C10orf67: variants seen among roughly 807,000 people sequenced by gnomAD.
The protein encoded by C10orf67 is uncharacterized protein C10orf67, mitochondrial.
C10orf67 carries 60 observed loss-of-function variants against 35.6 expected under a neutral mutation model. The ratio of observed to expected loss-of-function variants is 1.68; its 90% CI spans 1.37 to 2.09. The LOEUF is 2.09. Ranked by LOEUF, C10orf67 falls within the 30% of genes most tolerant of loss-of-function variation. The pLI is 0.00. For missense variants in C10orf67, 474 were observed against 330.2 expected (o/e 1.44, Z -3.38); for synonymous variants, 167 against 115.8 (o/e 1.44, Z -2.84).
chr10:23,295,792 G>A (rs759068017), intron 5 of C10orf67, among the ~76,000 whole-genome samples: 1 of 152,102 alleles, frequency 6.6e-6, no homozygotes, highest in African/African-American at 2.4e-5. Context: ...AAAGGCAAAT[G>A]CAAAAATTGA....
intron 13 of C10orf67, 57 bp from the exon 14 acceptor site, chr10:23,223,875 A>C: frequency 2.8e-6 from 2 of 706,734 alleles, no homozygotes; most frequent in Non-Finnish European, 5.2e-6. Context: ...AGTCAAATCA[A>C]ATGGACGTTA....
At chr10:23,265,094 A>G (rs1449395994) in intron 10 of C10orf67, among the ~76,000 whole-genome samples, 1 of 152,226 alleles carries the variant, frequency 6.6e-6, no homozygotes, top group Admixed American at 6.5e-5. Context: ...GGGAAATTAT[A>G]CTGATTTCCA....
At chr10:23,275,193 C>T (rs894810503) in intron 8 of C10orf67, among the ~76,000 whole-genome samples, 2 of 152,110 alleles carry the variant, frequency 1.3e-5, no homozygotes, top group African/African-American at 4.8e-5. Context: ...TCACTTAAAA[C>T]CAAACTGATG....
At chr10:23,277,420 G>C (rs1406685895) in intron 8 of C10orf67, among the ~76,000 whole-genome samples, 2 of 151,896 alleles carry the variant, frequency 1.3e-5, no homozygotes, top group African/African-American at 4.8e-5. Flanking sequence ...GGACATCTTG[G>C]TGCATGGCTG....
At chr10:23,251,294 C>T (rs1444079106) in intron 10 of C10orf67, among the ~76,000 whole-genome samples, 1 of 152,006 alleles carries the variant, frequency 6.6e-6, no homozygotes, top group Non-Finnish European at 1.5e-5. Flanking sequence ...AATTGTAAAT[C>T]GTGTTTTGTA....
chr10:23,250,149 G>T (rs567851231), intron 12 of C10orf67, among the ~76,000 whole-genome samples: 1 of 152,222 alleles, frequency 6.6e-6, no homozygotes, highest in East Asian at 1.9e-4. Flanking sequence ...AGCAGGAAAA[G>T]GTTTTAATAG....
rs1400785888 is a variant in C10orf67 at position 23,311,394 on chromosome 10, A to T, written c.547-7935T>A. Among the ~76,000 whole-genome samples, 3 of 152,152 alleles carry T rather than the reference A, an allele frequency of 2.0e-5. No homozygotes were observed. In the East Asian group the frequency reaches 5.8e-4, roughly 29 times the overall value. On this transcript the variant is annotated intron_variant, in intron 4 of 15. Coordinates refer to ENST00000636213, the MANE Select transcript of C10orf67 (RefSeq NM_001371909.1). ...AAAGTTCAATCAGGCTGCACAATTC[A>T]CTTATCAAACACAGGAGTTTGAAAT...
chr10:23,250,167 A>G (rs1184419855), intron 12 of C10orf67, among the ~76,000 whole-genome samples: 1 of 152,222 alleles, frequency 6.6e-6, no homozygotes, highest in Non-Finnish European at 1.5e-5. Flanking sequence ...TAGCCCTATG[A>G]AAGAAGATGA....
intron 8 of C10orf67, among the ~76,000 whole-genome samples, chr10:23,273,449 T>C (rs1843087105): frequency 6.6e-6 from 1 of 152,220 alleles, no homozygotes; most frequent in South Asian, 2.1e-4. Flanking sequence ...TCCATTATTT[T>C]ATATTCTTCC....
intron 2 of C10orf67, among the ~76,000 whole-genome samples, chr10:23,326,723 C>G (rs1472405784): frequency 6.6e-6 from 1 of 152,064 alleles, no homozygotes; most frequent in African/African-American, 2.4e-5. Flanking sequence ...GGGTGGTAAA[C>G]AGTTACAAGG....
chr10:23,251,351 T>C (rs1450411435), intron 10 of C10orf67, among the ~76,000 whole-genome samples: 1 of 152,210 alleles, frequency 6.6e-6, no homozygotes, highest in East Asian at 1.9e-4. Flanking sequence ...TCTCCATCTC[T>C]TCGTCATAGG....
chr10:23,318,985 A>T (rs1295674760), intron 4 of C10orf67: 1 of 731,550 alleles, frequency 1.4e-6, no homozygotes, highest in South Asian at 1.5e-5. Flanking sequence ...AGGGTCTTCC[A>T]TGAGAACCCT....
intron 8 of C10orf67, among the ~76,000 whole-genome samples, chr10:23,272,888 C>T (rs999928890): frequency 4.6e-5 from 7 of 152,158 alleles, no homozygotes; most frequent in African/African-American, 1.2e-4. Context: ...ATATTATTAA[C>T]TGTACATGTT....
At chr10:23,294,388 A>AACAC (rs367859433) in intron 5 of C10orf67, among the ~76,000 whole-genome samples, 8 of 151,170 alleles carry the variant, frequency 5.3e-5, no homozygotes, top group East Asian at 1.9e-4. Context: ...CACACACAGA[A>AACAC]ACACACACAC....
At chr10:23,256,596 A>G (rs1162471040) in intron 10 of C10orf67, among the ~76,000 whole-genome samples, 1 of 152,090 alleles carries the variant, frequency 6.6e-6, no homozygotes, top group Non-Finnish European at 1.5e-5. Context: ...AATATAAAGA[A>G]CTTCTGAAGA....
chr10:23,342,839 A>AT (rs1845958279), intron 1 of C10orf67, among the ~76,000 whole-genome samples: 1 of 152,240 alleles, frequency 6.6e-6, no homozygotes, highest in South Asian at 2.1e-4. Flanking sequence ...CTGGGCTAGG[A>AT]CACCTGTGGT....
At chr10:23,327,373 A>G (rs774326239) in intron 2 of C10orf67, among the ~76,000 whole-genome samples, 25 of 152,338 alleles carry the variant, frequency 1.6e-4, no homozygotes, top group Middle Eastern at 6.8e-3. Flanking sequence ...GACACAACAC[A>G]GAAATAATGT....
chr10:23,247,583 G>A (rs1842349755), intron 12 of C10orf67, among the ~76,000 whole-genome samples: 1 of 152,066 alleles, frequency 6.6e-6, no homozygotes, highest in Non-Finnish European at 1.5e-5. Flanking sequence ...ACACATGACT[G>A]TCATTTATAT....
At chr10:23,253,070 C>T (rs1349324195) in intron 10 of C10orf67, among the ~76,000 whole-genome samples, 2 of 151,536 alleles carry the variant, frequency 1.3e-5, no homozygotes, top group Non-Finnish European at 2.9e-5. Context: ...TGACTTGCTC[C>T]TCCTTGCCTT....
Sources: gnomAD v4.1 joint callset for allele counts (sites outside exome capture counted in the v4.1 genomes callset) on GRCh38, gnomAD v4.1.1 for gene constraint, MANE v1.5 for transcripts, NCBI Gene and HGNC (gene_info 2026-07-23, HGNC 2026-07-21) for gene names.